ST8SIA6: variants seen among roughly 807,000 people sequenced by gnomAD.
ST8SIA6 encodes ST8 alpha-N-acetyl-neuraminide alpha-2,8-sialyltransferase 6, also known as alpha-2,8-sialyltransferase 8F.
ST8SIA6 carries 39 observed loss-of-function variants against 33.6 expected under a neutral mutation model. That is an observed-to-expected ratio of 1.16 (90% confidence interval 0.90 to 1.52). ST8SIA6 has a LOEUF of 1.52. Ranked by LOEUF, ST8SIA6 falls within the 40% of genes most tolerant of loss-of-function variation. ST8SIA6 has a pLI of 0.00. For synonymous variants in ST8SIA6, 172 were observed against 167.2 expected (o/e 1.03, Z -0.22); for missense variants, 441 against 443.8 (o/e 0.99, Z 0.06).
intron 3 of ST8SIA6, among the ~76,000 whole-genome samples, chr10:17,375,040 G>A (rs982553984): frequency 9.9e-5 from 15 of 151,378 alleles, no homozygotes; most frequent in African/African-American, 2.4e-4. Context: ...GGCCTCAAGC[G>A]ATCCTCCAGC....
At chr10:17,373,543 A>C (rs1426798936) in intron 3 of ST8SIA6, among the ~76,000 whole-genome samples, 1 of 152,152 alleles carries the variant, frequency 6.6e-6, no homozygotes, top group Non-Finnish European at 1.5e-5. Context: ...GCAGACTGAT[A>C]CTGCCAATAA....
chr10:17,354,881 C>T (rs1443830721), intron 4 of ST8SIA6, among the ~76,000 whole-genome samples: 1 of 152,114 alleles, frequency 6.6e-6, no homozygotes, highest in African/African-American at 2.4e-5. Flanking sequence ...TTTAGGAAAC[C>T]GCTTTCATGG....
chr10:17,452,181 C>T (rs1006111083), intron 2 of ST8SIA6, among the ~76,000 whole-genome samples: 1 of 152,168 alleles, frequency 6.6e-6, no homozygotes, highest in Admixed American at 6.5e-5. Flanking sequence ...CTATTTTTCT[C>T]AAAAGCTTTT....
intron 3 of ST8SIA6, among the ~76,000 whole-genome samples, chr10:17,370,664 C>T (rs1157301505): frequency 1.3e-5 from 2 of 152,060 alleles, no homozygotes; most frequent in Admixed American, 6.6e-5. Context: ...ATTAATGTTA[C>T]AAACCCAACT....
intron 4 of ST8SIA6, among the ~76,000 whole-genome samples, chr10:17,354,215 G>A (rs1474928105): frequency 1.3e-5 from 2 of 152,064 alleles, no homozygotes; most frequent in Admixed American, 6.6e-5. Flanking sequence ...ACTAGAGGGC[G>A]TCTCATATCA....
In ST8SIA6 at chr10:17,316,942, T is replaced by C. The variant is rs567804716; in HGVS notation, c.*3936A>G. 2.0e-5 allele frequency among the ~76,000 whole-genome samples: 3 copies of C among 152,300 alleles called. No homozygotes were observed. The highest frequency in any genetic ancestry group is 7.2e-5 in the African/African-American group (3 of 41,576). ...GTGTCATTCACTGACTAGAACTCTTTCATTTTAATACAGTCATAGCCATCC... is the reference window on the plus strand; with the variant it reads ...GTGTCATTCACTGACTAGAACTCTTCCATTTTAATACAGTCATAGCCATCC... On this transcript the variant is annotated 3_prime_UTR_variant, in exon 8 of 8. Transcript: ENST00000377602.
In ST8SIA6 at chr10:17,320,870, T is replaced by A. The variant is rs375057038; in HGVS notation, c.*8A>T. On this transcript the variant is annotated 3_prime_UTR_variant, in exon 8 of 8. Transcript: ENST00000377602. ...TATTAAAATTATTCCCATTTTAAGA[T>A]ACTTTGTTTAGGCGACTTCACATTT... 123 of 1,611,800 alleles carry A rather than the reference T, an allele frequency of 7.6e-5. No homozygotes were observed. The highest frequency in any genetic ancestry group is 9.3e-5 in the Non-Finnish European group (110 of 1,178,288).
At chr10:17,418,483 C>T (rs1564455055) in intron 2 of ST8SIA6, among the ~76,000 whole-genome samples, 1 of 152,058 alleles carries the variant, frequency 6.6e-6, no homozygotes, top group South Asian at 2.1e-4. Context: ...AGGTTACATA[C>T]ATATGAGAAA....
intron 2 of ST8SIA6, among the ~76,000 whole-genome samples, chr10:17,399,535 A>G (rs888013455): frequency 6.6e-6 from 1 of 152,188 alleles, no homozygotes; most frequent in African/African-American, 2.4e-5. Context: ...GTTACCCTCA[A>G]TGAAGATTAA....
intron 2 of ST8SIA6, among the ~76,000 whole-genome samples, chr10:17,404,669 TGATGTTTCCTCG>T (rs971190131): frequency 2.2e-4 from 33 of 152,274 alleles, no homozygotes; most frequent in African/African-American, 7.9e-4. Flanking sequence ...ACCTTACCTC[TGATGTTTCCTCG>T]TAGTGATTTT....
intron 2 of ST8SIA6, among the ~76,000 whole-genome samples, chr10:17,408,759 T>A (rs1299042560): frequency 3.3e-5 from 5 of 152,014 alleles, no homozygotes; most frequent in Non-Finnish European, 5.9e-5. Context: ...TATTTTTATT[T>A]ATTTATTTTT....
chr10:17,425,249 T>C (rs1276344386), intron 2 of ST8SIA6, among the ~76,000 whole-genome samples: 2 of 152,098 alleles, frequency 1.3e-5, no homozygotes, highest in African/African-American at 2.4e-5. Flanking sequence ...ATGTGGGTTG[T>C]CCCAAAAGCA....
chr10:17,427,596 G>T lies in ST8SIA6; in HGVS notation c.200+25963C>A, dbSNP rs182290400. 8.5e-5 allele frequency among the ~76,000 whole-genome samples: 13 copies of T among 152,342 alleles called. 1 individual carries two copies. The East Asian group carries it at 2.5e-3, about 29-fold the overall frequency. On this transcript the variant is annotated intron_variant, in intron 2 of 7. Coordinates refer to ENST00000377602, the MANE Select transcript of ST8SIA6 (RefSeq NM_001004470.3). ...ACAGTTACAGAGGAGAAGGTGATGG[G>T]ATTTCCTTTCTATAGATCAAGGTCA...
chr10:17,347,521 C>A (rs989277562), intron 4 of ST8SIA6, among the ~76,000 whole-genome samples: 1 of 151,948 alleles, frequency 6.6e-6, no homozygotes, highest in African/African-American at 2.4e-5. Context: ...AAAACGGGAT[C>A]ACGTTGCAGA....
chr10:17,343,953 A>T (rs190524179), intron 4 of ST8SIA6, among the ~76,000 whole-genome samples: 1 of 152,318 alleles, frequency 6.6e-6, no homozygotes, highest in Non-Finnish European at 1.5e-5. Flanking sequence ...TCCTTATAAA[A>T]GCCTTATGAG....
chr10:17,356,689 A>C (rs1371493617), intron 4 of ST8SIA6, among the ~76,000 whole-genome samples: 2 of 152,078 alleles, frequency 1.3e-5, no homozygotes, highest in Admixed American at 1.3e-4. Context: ...CACCTGGCCT[A>C]AGATGTTTAC....
rs190025846 is a variant in ST8SIA6, at chr10:17,376,571, T to C, written c.290+13960A>G. Reference sequence around the variant, plus strand: ...GATTTCCTGGGTCAGCACCTCTAAGTATCTGCTCTTAGAAAAATCATTTCA... The same window carrying C: ...GATTTCCTGGGTCAGCACCTCTAAGCATCTGCTCTTAGAAAAATCATTTCA... On this transcript the variant is annotated intron_variant, in intron 3 of 7. Coordinates refer to ENST00000377602, the MANE Select transcript of ST8SIA6 (RefSeq NM_001004470.3). Among the ~76,000 whole-genome samples the C allele has an allele frequency of 1.9e-3, 289 of 152,292 alleles. 1 individual carries two copies. The highest frequency in any genetic ancestry group is 6.7e-3 in the African/African-American group (277 of 41,564).
chr10:17,432,367 C>T (rs1226370935), intron 2 of ST8SIA6, among the ~76,000 whole-genome samples: 1 of 152,162 alleles, frequency 6.6e-6, no homozygotes, highest in Non-Finnish European at 1.5e-5. Flanking sequence ...GACACTAGTT[C>T]TGAGGCAATT....
At chr10:17,378,853 A>C (rs191270787) in intron 3 of ST8SIA6, among the ~76,000 whole-genome samples, 3 of 152,148 alleles carry the variant, frequency 2.0e-5, no homozygotes, top group African/African-American at 4.8e-5. Flanking sequence ...TCAGCCAGGC[A>C]CGGTGGCTCA....
Sources: gnomAD v4.1 joint callset for allele counts (sites outside exome capture counted in the v4.1 genomes callset) on GRCh38, gnomAD v4.1.1 for gene constraint, MANE v1.5 for transcripts, NCBI Gene and HGNC (gene_info 2026-07-23, HGNC 2026-07-21) for gene names.